The following SLC13A1 variants were observed in gnomAD, a reference collection of about 807,000 sequenced individuals.
SLC13A1 encodes Na(+)/sulfate cotransporter.
SLC13A1 carries 65 observed loss-of-function variants against 70.0 expected under a neutral mutation model. The observed-to-expected ratio is 0.93, with a 90% confidence interval of 0.76 to 1.14. SLC13A1 has a LOEUF of 1.14. Ranked by LOEUF, SLC13A1 falls within the 50% of genes most tolerant of loss-of-function variation. The pLI is 0.00. For synonymous variants in SLC13A1, 275 were observed against 250.5 expected, an observed-to-expected ratio of 1.10 and a Z score of -0.92; for missense variants, 726 against 717.8, an observed-to-expected ratio of 1.01 and a Z score of -0.13.
At chr7:123,152,567 T>A (rs1019180711) in intron 6 of SLC13A1, among the ~76,000 whole-genome samples, 2 of 152,114 alleles carry the variant, frequency 1.3e-5, no homozygotes, top group African/African-American at 4.8e-5. Flanking sequence ...TAAAATATCT[T>A]TTTGAAAAGT....
chr7:123,182,952 A>G (rs984251877), intron 1 of SLC13A1, among the ~76,000 whole-genome samples: 9 of 152,194 alleles, frequency 5.9e-5, no homozygotes, highest in African/African-American at 1.9e-4. Flanking sequence ...ATGTCTTATC[A>G]CAACACCTCC....
chr7:123,143,530 C>A (rs937412929), intron 7 of SLC13A1, among the ~76,000 whole-genome samples: 2 of 152,122 alleles, frequency 1.3e-5, no homozygotes, highest in South Asian at 2.1e-4. Context: ...CAATGACTTA[C>A]AATTGCTGGG....
intron 2 of SLC13A1, among the ~76,000 whole-genome samples, chr7:123,174,177 A>G (rs1302611864): frequency 6.6e-6 from 1 of 152,078 alleles, no homozygotes; most frequent in Non-Finnish European, 1.5e-5. Flanking sequence ...TGCCTGGCAC[A>G]TACATGGGGG....
chr7:123,117,509 T>TGAAAA lies in SLC13A1; in HGVS notation c.1611_1612insTTTTC (p.Ile538PhefsTer10). 6.2e-7 allele frequency: 1 copy of TGAAAA among 1,613,510 alleles called. No individual in the cohort carries two copies. Among genetic ancestry groups the TGAAAA allele is most frequent in the Non-Finnish European group, 8.5e-7 (1 of 1,179,648 alleles). On this transcript the variant is annotated frameshift_variant, in exon 14 of 15. Transcript: ENST00000194130. LOFTEE classifies it high-confidence loss of function. ...TTCAGATGACCATATGAAAAGACAA[T>TGAAAA]AGCATTGGGTGGATTTGCTACTGGT...
intron 7 of SLC13A1, 23 bp from the exon 8 acceptor site, chr7:123,134,552 G>T (rs751670711): frequency 1.2e-6 from 2 of 1,607,496 alleles, no homozygotes; most frequent in Admixed American, 3.4e-5. Flanking sequence ...ATGGAGACGT[G>T]TTCAGGGATG....
At position 123,156,913 on chromosome 7, in the gene SLC13A1, C is replaced by T. The variant is rs116508991; in HGVS notation, c.661-9603G>A. ...AGCAGGCTTATCATTTTGCTGTTCC[C>T]ATCTTTATGGACCCTGAACTTCAGC... is the stretch of plus-strand genomic sequence containing the variant. On this transcript the variant is annotated intron_variant, in intron 6 of 14. Transcript: ENST00000194130. Among the ~76,000 whole-genome samples, 1,190 of 152,104 alleles carry T rather than the reference C, an allele frequency of 7.8e-3. 6 individuals carry two copies. The highest frequency in any genetic ancestry group is 0.011 in the Non-Finnish European group (736 of 68,004).
chr7:123,191,898 A>G (rs1796009052), intron 1 of SLC13A1, among the ~76,000 whole-genome samples: 1 of 152,196 alleles, frequency 6.6e-6, no homozygotes, highest in Admixed American at 6.5e-5. Flanking sequence ...GGCATAGAGT[A>G]TACGGTCAGT....
intron 6 of SLC13A1, among the ~76,000 whole-genome samples, chr7:123,155,078 A>G (rs143759756): frequency 6.6e-6 from 1 of 152,198 alleles, no homozygotes; most frequent in African/African-American, 2.4e-5. Context: ...GGGTCATCTT[A>G]TAGTATTCTG....
Position 123,119,203 on chromosome 7 carries a change from G to A in SLC13A1, c.1390C>T (p.Pro464Ser), listed in dbSNP as rs1056326126. Residue 464 changes from proline (P) to serine (S), a missense_variant, in exon 13 of 15, where the codon CCT becomes TCT. Transcript: ENST00000194130. ...AGCCATGCTGGTAATGAACCCAGAG[G>A]AGATAATTTATTTCCTATCCACTTA... ...LSKWIGNKLS[P>S]LGSLPAWLII... 3.7e-6 allele frequency: 6 copies of A among 1,611,466 alleles called. No individual in the cohort carries two copies. Among genetic ancestry groups the A allele is most frequent in the Non-Finnish European group, 5.1e-6 (6 of 1,178,616 alleles).
chr7:123,161,430 T>C (rs1462593095), intron 6 of SLC13A1, among the ~76,000 whole-genome samples: 2 of 152,110 alleles, frequency 1.3e-5, no homozygotes, highest in African/African-American at 2.4e-5. Context: ...ATAAATTTCT[T>C]TTTAAAAATG....
At chr7:123,169,898 A>G (rs1795209383) in intron 3 of SLC13A1, among the ~76,000 whole-genome samples, 1 of 152,166 alleles carries the variant, frequency 6.6e-6, no homozygotes, top group Non-Finnish European at 1.5e-5. Flanking sequence ...AGTTAAAGTC[A>G]TTTGCTAAAA....
At chr7:123,168,872 A>C (rs911933313) in intron 4 of SLC13A1, among the ~76,000 whole-genome samples, 1 of 152,308 alleles carries the variant, frequency 6.6e-6, no homozygotes, top group African/African-American at 2.4e-5. Flanking sequence ...AGTAACCTGG[A>C]GGTCTACTGA....
chr7:123,169,038 C>A, intron 4 of SLC13A1, 110 bp downstream of exon 4: 1 of 920,532 alleles, frequency 1.1e-6, no homozygotes, highest in South Asian at 1.8e-5. Context: ...AAGTTAAATT[C>A]ATATCATGCA....
rs778740453 is a variant in SLC13A1, at chr7:123,113,931, G to T, written c.*1587C>A. On this transcript the variant is annotated 3_prime_UTR_variant, in exon 15 of 15. Transcript: ENST00000194130. ...TCTTATTTGAATAAAAAATGACAAG[G>T]TCAGTAACAGCTGGAAAGTGCCAAC... 6.6e-6 allele frequency: 1 copy of T among 151,710 alleles called. No homozygotes were observed. Among genetic ancestry groups the T allele is most frequent in the Non-Finnish European group, 1.5e-5 (1 of 67,928 alleles). 9.4% of individuals were successfully genotyped at this position (151,710 alleles called of 1,614,324 possible).
intron 6 of SLC13A1, chr7:123,149,757 T>C (rs930195326): frequency 2.5e-6 from 1 of 397,384 alleles, no homozygotes; most frequent in African/African-American, 2.1e-5. Context: ...CCAACTTTGC[T>C]GTTGAATTAA....
intron 7 of SLC13A1, among the ~76,000 whole-genome samples, chr7:123,146,564 A>G (rs978366831): frequency 1.3e-5 from 2 of 152,196 alleles, no homozygotes; most frequent in African/African-American, 2.4e-5. Flanking sequence ...GTACCTGCAA[A>G]TTGAGGATTT....
intron 7 of SLC13A1, among the ~76,000 whole-genome samples, chr7:123,137,756 T>TA (rs1221833496): frequency 4.6e-5 from 7 of 152,062 alleles, no homozygotes; most frequent in African/African-American, 9.6e-5. Flanking sequence ...GGAGTCTTTT[T>TA]AAAAAAAATT....
At chr7:123,125,824 A>G (rs1200035831) in intron 10 of SLC13A1, 149 bp from the exon 11 acceptor site, 4 of 614,562 alleles carry the variant, frequency 6.5e-6, no homozygotes, top group East Asian at 2.8e-5. Flanking sequence ...GCCCTAAAAT[A>G]TATGGATTCC....
chr7:123,168,561 T>C lies in SLC13A1; in HGVS notation c.554A>G (p.Glu185Gly), dbSNP rs1795149151. Residue 185 changes from glutamate to glycine, a missense_variant and splice_region_variant, in exon 5 of 15, where the codon GAA becomes GGA. Physicochemically the swap from Glu to Gly is moderately conservative, Grantham distance 98 (BLOSUM62 -2). Coordinates refer to ENST00000194130, the MANE Select transcript of SLC13A1 (RefSeq NM_022444.4). ...GSTNHGLEID[E>G]SVNGHEINER... The stretch of plus-strand genomic sequence containing the variant: ...ATTTATTTCATGTCCATTAACACTT[T>C]CTGCAAAACATTAAATAAAAGAAAA... 7 of 1,602,082 alleles carry C rather than the reference T, an allele frequency of 4.4e-6. No individual in the cohort carries two copies. The East Asian group carries it at 1.4e-4, about 31-fold the overall frequency.
Sources: allele counts gnomAD v4.1 joint callset (sites outside exome capture counted in the v4.1 genomes callset), GRCh38; gene constraint gnomAD v4.1.1; transcripts MANE v1.5; gene names NCBI Gene and HGNC (gene_info 2026-07-23, HGNC 2026-07-21).